PHIP: variants seen among roughly 807,000 people sequenced by gnomAD.
PHIP encodes the protein PH-interacting protein.
Under a neutral mutation model 236.8 loss-of-function variants are expected in PHIP, and 54 were observed. That is an observed-to-expected ratio of 0.23 (90% CI 0.18 to 0.29). The LOEUF (loss-of-function observed/expected upper bound fraction) is 0.29, where lower values mean the gene tolerates loss of function less well. Among genes scored for constraint, PHIP ranks in the 10% least tolerant of loss-of-function variants. The pLI, the probability that PHIP is intolerant of heterozygous loss-of-function variation, is 1.00. For synonymous variants in PHIP, 756 were observed against 718.9 expected (o/e 1.05, Z -0.83); for missense variants, 1,370 against 2,190.8 (o/e 0.63, Z 7.48).
At chr6:79,077,403 C>T (rs1383191998) in intron 4 of PHIP, 45 bp downstream of exon 4, 2 of 1,503,816 alleles carry the variant, frequency 1.3e-6, no homozygotes, top group East Asian at 2.4e-5. Context: ...AATTTTTATT[C>T]GACTCAGGGA....
intron 6 of PHIP, among the ~76,000 whole-genome samples, chr6:79,047,376 C>CT (rs1418771584): frequency 2.0e-5 from 3 of 152,166 alleles, no homozygotes; most frequent in African/African-American, 7.2e-5. Context: ...AACTGATTTA[C>CT]TTATCCAATC....
At chr6:79,065,394 C>G (rs942906405) in intron 4 of PHIP, among the ~76,000 whole-genome samples, 1 of 152,116 alleles carries the variant, frequency 6.6e-6, no homozygotes, top group African/African-American at 2.4e-5. Context: ...CTGGCACATT[C>G]CCAGTCCCTT....
At chr6:78,970,434 C>CA (rs1767457208) in intron 25 of PHIP, among the ~76,000 whole-genome samples, 1 of 152,108 alleles carries the variant, frequency 6.6e-6, no homozygotes, top group African/African-American at 2.4e-5. Flanking sequence ...AGTAAGTTTT[C>CA]TATCACCATT....
Position 79,016,544 on chromosome 6 carries a change from C to T in PHIP, c.1235G>A (p.Gly412Asp), listed in dbSNP as rs755256432. The change falls in exon 13 of 40, where the codon GGC becomes GAC. Residue 412 changes from glycine to aspartate, a missense_variant and splice_region_variant. Coordinates refer to ENST00000275034, the MANE Select transcript of PHIP (RefSeq NM_017934.7). ...ILLDMATRPA[G>D]QNLQGIEDKI... Reference sequence around the variant, plus strand: ...TAATATTTCAAATTTGACCTCTTACCCTGCTGGACGAGTAGCCATATCCAA... The same window carrying T: ...TAATATTTCAAATTTGACCTCTTACTCTGCTGGACGAGTAGCCATATCCAA... 6.3e-7 allele frequency: 1 copy of T among 1,592,608 alleles called. No homozygotes were observed. Among genetic ancestry groups the T allele is most frequent in the Non-Finnish European group, 8.6e-7 (1 of 1,161,812 alleles).
At chr6:79,051,763 TTCC>T (rs1321885559) in intron 6 of PHIP, among the ~76,000 whole-genome samples, 4 of 152,208 alleles carry the variant, frequency 2.6e-5, no homozygotes, top group Non-Finnish European at 5.9e-5. Flanking sequence ...GTATTTAATC[TTCC>T]TCCTATTTTA....
intron 7 of PHIP, among the ~76,000 whole-genome samples, chr6:79,030,599 T>C (rs984885472): frequency 6.6e-6 from 1 of 152,194 alleles, no homozygotes; most frequent in African/African-American, 2.4e-5. Context: ...AGACAAGACA[T>C]GGTCACTATA....
intron 19 of PHIP, among the ~76,000 whole-genome samples, chr6:78,995,647 T>C (rs1769559149): frequency 6.6e-6 from 1 of 152,254 alleles, no homozygotes; most frequent in African/African-American, 2.4e-5. Context: ...TTTCATGTGC[T>C]TATTTGTCAT....
intron 15 of PHIP, among the ~76,000 whole-genome samples, chr6:79,010,612 G>C (rs1349158912): frequency 2.0e-5 from 3 of 151,770 alleles, no homozygotes; most frequent in Non-Finnish European, 2.9e-5. Context: ...CTACAGCTTT[G>C]AGTAATGACA....
At chr6:79,014,694 C>G (rs1770755673) in intron 15 of PHIP, among the ~76,000 whole-genome samples, 1 of 151,706 alleles carries the variant, frequency 6.6e-6, no homozygotes, top group South Asian at 2.1e-4. Flanking sequence ...AATCAGTGTA[C>G]TTGAGTAAAA....
chr6:79,073,827 A>C (rs987942818), intron 4 of PHIP, among the ~76,000 whole-genome samples: 1 of 152,170 alleles, frequency 6.6e-6, no homozygotes, highest in Non-Finnish European at 1.5e-5. Context: ...ATTACCACCA[A>C]AGAATGGCAC....
intron 24 of PHIP, among the ~76,000 whole-genome samples, chr6:78,977,898 A>G (rs1768225049): frequency 6.6e-6 from 1 of 152,104 alleles, no homozygotes; most frequent in African/African-American, 2.4e-5. Context: ...ACCACTTTAT[A>G]CTGTAAATTA....
chr6:78,978,741 T>A (rs1292195356), intron 23 of PHIP, 30 bp from the exon 24 acceptor site: 2 of 1,551,350 alleles, frequency 1.3e-6, no homozygotes, highest in South Asian at 1.2e-5. Context: ...AATTGTTAAG[T>A]AATAATCAAA....
chr6:79,028,188 TAAAA>T (rs1220206565), intron 7 of PHIP, among the ~76,000 whole-genome samples: 1 of 151,878 alleles, frequency 6.6e-6, no homozygotes, highest in African/African-American at 2.4e-5. Flanking sequence ...GATGAAAAAG[TAAAA>T]AAAATTTGTG....
At position 78,954,722 on chromosome 6, in the gene PHIP, A is replaced by G. The variant is rs188543448; in HGVS notation, c.4053+92T>C. 2.5e-5 allele frequency: 19 copies of G among 765,250 alleles called. No individual in the cohort carries two copies. In the Admixed American group the frequency reaches 5.3e-4, roughly 21 times the overall value. The allele number at this position is 765,250 out of a possible 1,614,324, so 47.4% of individuals were successfully genotyped here. On this transcript the variant is annotated intron_variant, in intron 35 of 39. Transcript: ENST00000275034. ...GTATAAAATAATAAAGAAATAAACT[A>G]TAATCATAAAAAGTAACTAAAATAG...
intron 23 of PHIP, among the ~76,000 whole-genome samples, chr6:78,980,500 G>A (rs1768444645): frequency 6.6e-6 from 1 of 152,002 alleles, no homozygotes; most frequent in Non-Finnish European, 1.5e-5. Flanking sequence ...TATCTCCAGG[G>A]TTTCTGGTAT....
Position 79,060,585 on chromosome 6 carries a change from C to T in PHIP, c.341-9G>A. Reference sequence around the variant, plus strand: ...CACAACATGCTTGCAGCCTATTAAACACATGTATTTTTATGCATACAAAGA... The same window carrying T: ...CACAACATGCTTGCAGCCTATTAAATACATGTATTTTTATGCATACAAAGA... On this transcript the variant is annotated splice_polypyrimidine_tract_variant and intron_variant, in intron 5 of 39. Coordinates refer to ENST00000275034, the MANE Select transcript of PHIP (RefSeq NM_017934.7). 6.2e-7 allele frequency: 1 copy of T among 1,612,838 alleles called. No homozygotes were observed. The highest frequency in any genetic ancestry group is 8.5e-7 in the Non-Finnish European group (1 of 1,179,330).
chr6:79,000,529 T>G (rs1407692517), intron 17 of PHIP, among the ~76,000 whole-genome samples: 3 of 152,164 alleles, frequency 2.0e-5, no homozygotes, highest in Non-Finnish European at 4.4e-5. Flanking sequence ...AAAGTAATAA[T>G]AATAATTAAT....
At chr6:79,025,243 A>G (rs1771336853) in intron 9 of PHIP, among the ~76,000 whole-genome samples, 1 of 152,194 alleles carries the variant, frequency 6.6e-6, no homozygotes, top group Non-Finnish European at 1.5e-5. Flanking sequence ...TATGCAGCAC[A>G]TAGAAAGGAG....
chr6:79,050,138 T>A (rs1234293010), intron 6 of PHIP, among the ~76,000 whole-genome samples: 2 of 151,598 alleles, frequency 1.3e-5, no homozygotes, highest in Admixed American at 1.3e-4. Context: ...AAAAAAAAAG[T>A]CTTATCTGCT....
Sources: gnomAD v4.1 joint callset for allele counts (sites outside exome capture counted in the v4.1 genomes callset) on GRCh38, gnomAD v4.1.1 for gene constraint, MANE v1.5 for transcripts, NCBI Gene and HGNC (gene_info 2026-07-23, HGNC 2026-07-21) for gene names.